PLEKHA5: variants seen among roughly 807,000 people sequenced by gnomAD.
PLEKHA5 encodes the protein pleckstrin homology domain containing A5, also known as pleckstrin homology domain-containing family A member 5.
Under a neutral mutation model 181.9 loss-of-function variants are expected in PLEKHA5, and 55 were observed. That is an observed-to-expected ratio of 0.30 (90% CI 0.24 to 0.38). The LOEUF (loss-of-function observed/expected upper bound fraction) is 0.38, where lower values mean the gene tolerates loss of function less well. Among genes scored for constraint, PLEKHA5 ranks in the 10% least tolerant of loss-of-function variants. The pLI is 1.00. For missense variants in PLEKHA5, 1,432 were observed against 1,549.5 expected (o/e 0.92, Z 1.27); for synonymous variants, 535 against 529.4 (o/e 1.01, Z -0.15).
intron 3 of PLEKHA5, among the ~76,000 whole-genome samples, chr12:19,133,526 C>T (rs1029963974): frequency 2.6e-5 from 4 of 151,830 alleles, no homozygotes; most frequent in Admixed American, 6.6e-5. Flanking sequence ...CTAAAGTTAC[C>T]TTTATTTCAT....
At chr12:19,243,029 A>G (rs1035012949) in intron 3 of PLEKHA5, among the ~76,000 whole-genome samples, 5 of 152,172 alleles carry the variant, frequency 3.3e-5, no homozygotes, top group African/African-American at 7.2e-5. Flanking sequence ...ACTGTGCTTC[A>G]GATAGAAATG....
Position 19,358,429 on chromosome 12 carries a change from A to G in PLEKHA5, c.3340A>G (p.Thr1114Ala), listed in dbSNP as rs2095061367. The G allele has an allele frequency of 1.3e-6, 2 of 1,595,094 alleles. No individual in the cohort carries two copies. The highest frequency in any genetic ancestry group is 1.7e-6 in the Non-Finnish European group (2 of 1,162,794). Residue 1114 changes from threonine (T) to alanine (A), a missense_variant, in exon 27 of 32, where the codon ACT becomes GCT. Physicochemically the swap from Thr to Ala is moderately conservative, Grantham distance 58. Transcript: ENST00000429027. ...AAATTTAAGGGATAATCCATTTAGG[A>G]CTACTCAGGTATATGAATTGCATTT... ...PSNLRDNPFRTTQTRRRDDKE... is the reference protein window; with the variant it reads ...PSNLRDNPFRATQTRRRDDKE...
intron 3 of PLEKHA5, among the ~76,000 whole-genome samples, chr12:19,246,493 G>T (rs990281085): frequency 3.3e-5 from 5 of 151,332 alleles, no homozygotes; most frequent in African/African-American, 1.2e-4. Context: ...CATGGTGGCA[G>T]GCGCCTGTAA....
rs749927907 is a variant in PLEKHA5, at chr12:19,274,707, A to G, written c.1037A>G (p.Lys346Arg). Residue 346 changes from lysine (K) to arginine (R), a missense_variant, in exon 11 of 32, where the codon AAA becomes AGA. Lys to Arg is a conservative substitution (Grantham distance 26, BLOSUM62 2). Around this residue, in one of 2 missense-constraint regions of PLEKHA5, gnomAD observed 1,143 missense variants for 1,168.4 expected, o/e 0.98. Transcript: ENST00000429027. ...GATGGTCAAGATAGACCCTTAACAA[A>G]AATTAATAGTGTAAAGCTGAATTCT... Reference protein sequence around the residue: ...QKDGQDRPLTKINSVKLNSLP... With the variant: ...QKDGQDRPLTRINSVKLNSLP... The G allele has an allele frequency of 6.2e-7, 1 of 1,614,142 alleles. No homozygotes were observed. Among genetic ancestry groups the G allele is most frequent in the South Asian group, 1.1e-5 (1 of 91,090 alleles).
chr12:19,226,148 A>G (rs1489605430), intron 3 of PLEKHA5, among the ~76,000 whole-genome samples: 2 of 152,134 alleles, frequency 1.3e-5, no homozygotes, highest in East Asian at 3.9e-4. Context: ...TTCTGTCTCT[A>G]TGGATTTACT....
At chr12:19,158,221 C>T (rs911624287) in intron 3 of PLEKHA5, among the ~76,000 whole-genome samples, 1 of 151,836 alleles carries the variant, frequency 6.6e-6, no homozygotes, top group African/African-American at 2.4e-5. Flanking sequence ...GGCGTGGTGG[C>T]GGGTGCCTGT....
chr12:19,142,310 G>A (rs2037601391), intron 3 of PLEKHA5, among the ~76,000 whole-genome samples: 5 of 152,118 alleles, frequency 3.3e-5, no homozygotes, highest in Admixed American at 3.3e-4. Context: ...TCAAAGCTGA[G>A]GTGAGCTATG....
chr12:19,308,211 A>T (rs1247395420), intron 15 of PLEKHA5, among the ~76,000 whole-genome samples: 1 of 152,178 alleles, frequency 6.6e-6, no homozygotes, highest in Non-Finnish European at 1.5e-5. Context: ...GGGAATGATC[A>T]TCATGAAGAA....
At chr12:19,186,804 CT>C (rs1380756395) in intron 3 of PLEKHA5, among the ~76,000 whole-genome samples, 1 of 152,140 alleles carries the variant, frequency 6.6e-6, no homozygotes, top group Non-Finnish European at 1.5e-5. Context: ...AATTTAATAG[CT>C]TCCTATTTAT....
At chr12:19,262,796 C>G (rs533104957) in intron 7 of PLEKHA5, among the ~76,000 whole-genome samples, 2 of 152,238 alleles carry the variant, frequency 1.3e-5, no homozygotes, top group African/African-American at 4.8e-5. Flanking sequence ...GAGACTGATT[C>G]ATTTGTACTC....
chr12:19,342,161 G>C (rs1005432244), intron 21 of PLEKHA5, among the ~76,000 whole-genome samples: 1 of 152,160 alleles, frequency 6.6e-6, no homozygotes, highest in African/African-American at 2.4e-5. Flanking sequence ...CAATGTGACA[G>C]TTTTTGTATG....
At chr12:19,305,924 C>CA (rs1389014664) in intron 15 of PLEKHA5, among the ~76,000 whole-genome samples, 2 of 95,818 alleles carry the variant, frequency 2.1e-5, no homozygotes, top group South Asian at 3.6e-4. Flanking sequence ...ACTAAAAATA[C>CA]AAAAAATTGG....
chr12:19,283,777 C>G, intron 12 of PLEKHA5, 32 bp downstream of exon 12: 1 of 1,347,922 alleles, frequency 7.4e-7, no homozygotes. Context: ...TGTTAACTCA[C>G]TACCTTATAA....
At chr12:19,262,284 A>AGTGCAGTG (rs2068745047) in intron 7 of PLEKHA5, among the ~76,000 whole-genome samples, 1 of 152,144 alleles carries the variant, frequency 6.6e-6, no homozygotes, top group African/African-American at 2.4e-5. Flanking sequence ...CCCAGGCTGG[A>AGTGCAGTG]GTGCAGTGGT....
At chr12:19,354,309 G>A (rs1156649823) in intron 26 of PLEKHA5, among the ~76,000 whole-genome samples, 2 of 146,670 alleles carry the variant, frequency 1.4e-5, no homozygotes, top group East Asian at 2.0e-4. Context: ...CCGCCACCAC[G>A]CCCGGCTAAT....
chr12:19,205,918 T>G (rs1028680395), intron 3 of PLEKHA5, among the ~76,000 whole-genome samples: 2 of 152,116 alleles, frequency 1.3e-5, no homozygotes, highest in African/African-American at 4.8e-5. Flanking sequence ...TACAGTAATA[T>G]GTACACATAT....
At chr12:19,309,526 C>T (rs1352784746) in intron 15 of PLEKHA5, among the ~76,000 whole-genome samples, 9 of 151,974 alleles carry the variant, frequency 5.9e-5, no homozygotes, top group African/African-American at 1.9e-4. Context: ...GAGGCCGAGG[C>T]GGGCGGATCC....
intron 3 of PLEKHA5, among the ~76,000 whole-genome samples, chr12:19,212,329 GAAAC>G (rs2057083321): frequency 6.6e-6 from 1 of 152,102 alleles, no homozygotes. Flanking sequence ...AGTCAAAAGA[GAAAC>G]AAAAATATAA....
chr12:19,363,692 A>T (rs951755586), intron 29 of PLEKHA5, among the ~76,000 whole-genome samples: 1 of 151,848 alleles, frequency 6.6e-6, no homozygotes, highest in African/African-American at 2.4e-5. Context: ...GGGTTTCGCC[A>T]TGTTGGCCAG....
Sources: gnomAD v4.1 joint callset for allele counts (sites outside exome capture counted in the v4.1 genomes callset) on GRCh38, gnomAD v4.1.1 for gene constraint, gnomAD v4.1.1 regional missense constraint, MANE v1.5 for transcripts, NCBI Gene and HGNC (gene_info 2026-07-23, HGNC 2026-07-21) for gene names.